Variants in ASCC3 observed in about 807,000 individuals in gnomAD.
ASCC3 encodes activating signal cointegrator 1 complex subunit 3.
ASCC3 carries 158 observed loss-of-function variants against 256.3 expected under a neutral mutation model. That is an observed-to-expected ratio of 0.62 (90% CI 0.54 to 0.70). The LOEUF (loss-of-function observed/expected upper bound fraction) is 0.70, where lower values mean the gene tolerates loss of function less well. Among genes scored for constraint, ASCC3 ranks in the 30% least tolerant of loss-of-function variants. ASCC3 has a pLI of 0.00. For missense variants in ASCC3, 2,259 were observed against 2,626.0 expected, an observed-to-expected ratio of 0.86 and a Z score of 3.05; for synonymous variants, 948 against 883.4, an observed-to-expected ratio of 1.07 and a Z score of -1.30.
At chr6:100,644,341 C>A (rs1194852799) in intron 22 of ASCC3, among the ~76,000 whole-genome samples, 1 of 152,158 alleles carries the variant, frequency 6.6e-6, no homozygotes, top group East Asian at 1.9e-4. Context: ...ATTTTCACCA[C>A]CTCAAAAAGA....
intron 20 of ASCC3, among the ~76,000 whole-genome samples, chr6:100,649,139 A>C (rs6908648): frequency 0.03 from 4,598 of 151,904 alleles, 77 homozygotes; most frequent in African/African-American, 0.055. Context: ...TTAAGAAAAA[A>C]CAGGGATGCT....
In ASCC3 at chr6:100,606,868, G is replaced by C; in HGVS notation, c.4924-8C>G. 4 of 1,610,606 alleles carry C rather than the reference G, an allele frequency of 2.5e-6. No individual in the cohort carries two copies. Among genetic ancestry groups the C allele is most frequent in the South Asian group, 1.1e-5 (1 of 90,342 alleles). On this transcript the variant is annotated splice_region_variant and splice_polypyrimidine_tract_variant and intron_variant, in intron 31 of 41. Transcript: ENST00000369162. ...GCTTGTAGCAATAAGAACCTAAAAA[G>C]CAAAATAAAATATCTTATATCTAAG...
chr6:100,641,757 A>G (rs1775129657), intron 24 of ASCC3, among the ~76,000 whole-genome samples: 1 of 152,182 alleles, frequency 6.6e-6, no homozygotes, highest in Admixed American at 6.5e-5. Context: ...AAGACTTGGA[A>G]CCAACCCAAA....
intron 8 of ASCC3, among the ~76,000 whole-genome samples, chr6:100,769,281 GAA>G (rs1781806701): frequency 1.3e-5 from 2 of 151,898 alleles, no homozygotes; most frequent in Admixed American, 1.3e-4. Context: ...AGTTAGACAG[GAA>G]GATTAAGTTC....
intron 13 of ASCC3, among the ~76,000 whole-genome samples, chr6:100,700,610 G>A (rs1778311312): frequency 6.6e-6 from 1 of 152,240 alleles, no homozygotes; most frequent in Non-Finnish European, 1.5e-5. Flanking sequence ...CAAAGCCACA[G>A]GGGTGGAGCT....
chr6:100,780,385 A>G (rs1246583276), intron 8 of ASCC3, among the ~76,000 whole-genome samples: 4 of 152,184 alleles, frequency 2.6e-5, no homozygotes, highest in African/African-American at 9.7e-5. Flanking sequence ...TTAGGGCAAC[A>G]TTCAAAAATC....
intron 4 of ASCC3, among the ~76,000 whole-genome samples, chr6:100,822,636 G>A (rs1313995079): frequency 6.6e-6 from 1 of 151,976 alleles, no homozygotes; most frequent in Non-Finnish European, 1.5e-5. Flanking sequence ...TGTGCTTAAG[G>A]TTAAGACCGG....
intron 36 of ASCC3, among the ~76,000 whole-genome samples, chr6:100,565,602 T>C (rs990914724): frequency 2.0e-5 from 3 of 152,168 alleles, no homozygotes; most frequent in Non-Finnish European, 4.4e-5. Flanking sequence ...AGGTTCATTT[T>C]TTTACAGACC....
At chr6:100,869,787 G>C (rs1161493303) in intron 1 of ASCC3, among the ~76,000 whole-genome samples, 1 of 152,040 alleles carries the variant, frequency 6.6e-6, no homozygotes, top group African/African-American at 2.4e-5. Flanking sequence ...ACATAGGAAA[G>C]GAAAGGCTGA....
At chr6:100,799,340 T>C (rs1769794378) in intron 7 of ASCC3, 91 bp downstream of exon 7, 1 of 1,411,954 alleles carries the variant, frequency 7.1e-7, no homozygotes, top group Non-Finnish European at 9.8e-7. Context: ...AGTCAACTAG[T>C]GTTAGACTCA....
chr6:100,666,363 A>G (rs1425445945), intron 14 of ASCC3, among the ~76,000 whole-genome samples: 2 of 152,164 alleles, frequency 1.3e-5, no homozygotes, highest in African/African-American at 4.8e-5. Context: ...TACGGGTCAC[A>G]TGGTTAATGT....
intron 8 of ASCC3, among the ~76,000 whole-genome samples, chr6:100,767,678 G>A (rs577608324): frequency 4.0e-5 from 6 of 151,762 alleles, no homozygotes; most frequent in Non-Finnish European, 2.9e-5. Context: ...GCGTGATCTC[G>A]GCTCACTGCA....
intron 13 of ASCC3, among the ~76,000 whole-genome samples, chr6:100,703,005 G>A (rs1003168161): frequency 2.6e-5 from 4 of 152,022 alleles, no homozygotes; most frequent in Non-Finnish European, 5.9e-5. Flanking sequence ...ATGTGATAAT[G>A]TTTATTACCA....
At chr6:100,831,654 C>A (rs775016580) in intron 4 of ASCC3, among the ~76,000 whole-genome samples, 13 of 151,992 alleles carry the variant, frequency 8.6e-5, no homozygotes, top group Non-Finnish European at 1.6e-4. Flanking sequence ...AAATTTAGGG[C>A]ATGGAGTAAG....
At chr6:100,587,453 A>T (rs1771759150) in intron 36 of ASCC3, among the ~76,000 whole-genome samples, 1 of 152,206 alleles carries the variant, frequency 6.6e-6, no homozygotes, top group Admixed American at 6.5e-5. Context: ...CCTAGGCAAG[A>T]AATTAAGAAA....
In ASCC3 at chr6:100,679,798, T is replaced by C. The variant is rs760993949; in HGVS notation, c.2152-46A>G. The C allele has an allele frequency of 1.1e-5, 17 of 1,588,510 alleles. No individual in the cohort carries two copies. In the Middle Eastern group the frequency reaches 5.0e-4, roughly 47 times the overall value. ...TTATTTAATATTCCAATTAATTAAA[T>C]TACAGCTTAATAGTAGCCTGGATAT... On this transcript the variant is annotated intron_variant, in intron 13 of 41. Coordinates refer to ENST00000369162, the MANE Select transcript of ASCC3 (RefSeq NM_006828.4).
rs758468954 is a variant in ASCC3 at position 100,867,892 on chromosome 6, C to G, written c.90+16G>C. The G allele has an allele frequency of 2.3e-5, 37 of 1,578,788 alleles. No homozygotes were observed. The Admixed American group carries it at 6.0e-4, about 26-fold the overall frequency. ...TTTATAATAATGTTCAACATTTCTA[C>G]CTTTAACAAATCTACCTTTAAGTCA... On this transcript the variant is annotated intron_variant, in intron 2 of 41. Coordinates refer to ENST00000369162, the MANE Select transcript of ASCC3 (RefSeq NM_006828.4).
At chr6:100,757,089 C>A (rs1363676396) in intron 10 of ASCC3, among the ~76,000 whole-genome samples, 1 of 151,926 alleles carries the variant, frequency 6.6e-6, no homozygotes, top group African/African-American at 2.4e-5. Context: ...ATGAAAGAGT[C>A]CAATTTCAAA....
chr6:100,576,079 A>G (rs1475590268), intron 36 of ASCC3, among the ~76,000 whole-genome samples: 1 of 152,060 alleles, frequency 6.6e-6, no homozygotes, highest in Non-Finnish European at 1.5e-5. Context: ...CCCTGTTGCC[A>G]AAACTGCTAA....
Sources: allele counts gnomAD v4.1 joint callset (sites outside exome capture counted in the v4.1 genomes callset), GRCh38; gene constraint gnomAD v4.1.1; transcripts MANE v1.5; gene names NCBI Gene and HGNC (gene_info 2026-07-23, HGNC 2026-07-21).